VPS35L: variants seen among roughly 807,000 people sequenced by gnomAD.
VPS35L encodes the protein VPS35 endosomal protein sorting factor like, also known as VPS35 endosomal protein-sorting factor-like.
VPS35L carries 83 observed loss-of-function variants against 133.0 expected under a neutral mutation model. The observed-to-expected ratio is 0.62, with a 90% CI of 0.52 to 0.75. The LOEUF is 0.75. VPS35L is among the 30% of genes least tolerant of loss of function. VPS35L has a pLI of 0.00. For synonymous variants in VPS35L, 423 were observed against 449.9 expected (o/e 0.94, Z 0.76); for missense variants, 1,083 against 1,206.8 (o/e 0.90, Z 1.52).
intron 2 of VPS35L, among the ~76,000 whole-genome samples, chr16:19,568,602 A>C (rs747937197): frequency 1.3e-5 from 2 of 152,084 alleles, no homozygotes; most frequent in Non-Finnish European, 2.9e-5. Context: ...TTATTAGGAC[A>C]AAAGATGCTC....
At chr16:19,626,856 A>C (rs543063439) in intron 15 of VPS35L, among the ~76,000 whole-genome samples, 43 of 152,210 alleles carry the variant, frequency 2.8e-4, no homozygotes, top group African/African-American at 1.0e-3. Context: ...CCTGACTCTC[A>C]CGAATATGAG....
At chr16:19,660,345 A>G (rs1490286699) in intron 26 of VPS35L, among the ~76,000 whole-genome samples, 2 of 151,884 alleles carry the variant, frequency 1.3e-5, no homozygotes, top group African/African-American at 2.4e-5. Context: ...AAAAAAATAA[A>G]GAAGAAATAA....
chr16:19,569,454 C>T lies in VPS35L; in HGVS notation c.148C>T (p.Arg50Trp), dbSNP rs774809331. ...AGAGTCAAAGACAAAGAAAGTGAAC[C>T]GGAAAGGAAGCACTTCTTCCACGTC... Reference protein sequence around the residue: ...VTESKTKKVNRKGSTSSTSSS... With the variant: ...VTESKTKKVNWKGSTSSTSSS... Residue 50 changes from arginine to tryptophan, a missense_variant, in exon 3 of 31, where the codon CGG (arginine) becomes TGG (tryptophan). Physicochemically the swap from Arg to Trp is moderately radical, Grantham distance 101. Transcript: ENST00000417362. 13 of 1,599,406 alleles carry T rather than the reference C, an allele frequency of 8.1e-6. No homozygotes were observed. The Admixed American group carries it at 8.7e-5, about 11-fold the overall frequency.
chr16:19,564,809 G>T, intron 1 of VPS35L, 42 bp from the exon 2 acceptor site: 1 of 1,405,468 alleles, frequency 7.1e-7, no homozygotes, highest in Non-Finnish European at 1.0e-6. Context: ...AGTGTTTTAA[G>T]TACCCCCATC....
intron 14 of VPS35L, among the ~76,000 whole-genome samples, chr16:19,620,792 A>T (rs956246671): frequency 6.6e-6 from 1 of 152,016 alleles, no homozygotes; most frequent in African/African-American, 2.4e-5. Flanking sequence ...CTCTACTAAA[A>T]ATACAAAAAT....
At chr16:19,585,250 A>G (rs963958980) in intron 7 of VPS35L, among the ~76,000 whole-genome samples, 7 of 152,186 alleles carry the variant, frequency 4.6e-5, no homozygotes, top group African/African-American at 1.7e-4. Flanking sequence ...AATTTTAGGA[A>G]TGGAATTGCT....
intron 26 of VPS35L, among the ~76,000 whole-genome samples, chr16:19,664,898 TAA>T (rs796465463): frequency 7.3e-5 from 9 of 123,786 alleles, no homozygotes; most frequent in Non-Finnish European, 8.5e-5. Context: ...AGAGTTCATC[TAA>T]AAAAAAAAAA....
At chr16:19,692,024 G>T (rs9928002) in intron 29 of VPS35L, among the ~76,000 whole-genome samples, 1 of 152,000 alleles carries the variant, frequency 6.6e-6, no homozygotes, top group Non-Finnish European at 1.5e-5. Context: ...ACAGGTGCCC[G>T]CCACCACACC....
At chr16:19,620,683 G>T (rs1047556242) in intron 14 of VPS35L, among the ~76,000 whole-genome samples, 1 of 152,196 alleles carries the variant, frequency 6.6e-6, no homozygotes, top group African/African-American at 2.4e-5. Context: ...AGGCGTGGTG[G>T]CACATGCCTG....
Position 19,608,986 on chromosome 16 carries a change from A to G in VPS35L, c.894A>G (p.Ala298=), listed in dbSNP as rs778802175. 6.2e-7 allele frequency: 1 copy of G among 1,613,964 alleles called. No individual in the cohort carries two copies. Among genetic ancestry groups the G allele is most frequent in the South Asian group, 1.1e-5 (1 of 91,090 alleles). ...RELIPRFYVE[A]SILKCNKFLS... is the part of the protein sequence containing the mutation. ...GATGTTTTTGTAGTTACGTGGAGGC[A>G]TCCATCCTGAAATGTAACAAATTCC... Residue 298 remains alanine, a synonymous_variant, in exon 11 of 31, where the codon GCA becomes GCG. Coordinates refer to ENST00000417362, the MANE Select transcript of VPS35L (RefSeq NM_020314.7).
intron 27 of VPS35L, among the ~76,000 whole-genome samples, chr16:19,670,726 G>A (rs1974846867): frequency 6.6e-6 from 1 of 152,194 alleles, no homozygotes; most frequent in Non-Finnish European, 1.5e-5. Context: ...GACCCAGCAG[G>A]AGGAATTCCT....
chr16:19,555,756 C>A lies in VPS35L; in HGVS notation c.17+10C>A. 6.4e-7 allele frequency: 1 copy of A among 1,571,976 alleles called. No individual in the cohort carries two copies. The highest frequency in any genetic ancestry group is 8.6e-7 in the Non-Finnish European group (1 of 1,159,746). On this transcript the variant is annotated intron_variant, in intron 1 of 30. Transcript: ENST00000417362. The stretch of plus-strand genomic sequence containing the variant: ...TGGCCGTCTTTCCTTGGTAAGGAAG[C>A]AGCGGCGGGTGGGCTTTGGAGAGGG...
chr16:19,621,790 T>C (rs757560505), intron 14 of VPS35L, among the ~76,000 whole-genome samples: 1 of 152,238 alleles, frequency 6.6e-6, no homozygotes, highest in Non-Finnish European at 1.5e-5. Flanking sequence ...AACAGAGCCT[T>C]TGGTTTTTTA....
rs1976113865 is a variant in VPS35L at position 19,700,969 on chromosome 16, G to A, written c.*493G>A. On this transcript the variant is annotated 3_prime_UTR_variant, in exon 31 of 31. Transcript: ENST00000417362. ...AACCCCTATGGAGGATTTATAAAAG[G>A]CAGAAATAGCACTCCATTAACTCTT... The A allele has an allele frequency of 6.5e-6, 1 of 153,360 alleles. No homozygotes were observed. The highest frequency in any genetic ancestry group is 2.4e-5 in the African/African-American group (1 of 41,424). The allele number at this position is 153,360 out of a possible 1,614,324, so 9.5% of individuals were successfully genotyped here.
At chr16:19,686,463 A>G (rs966711463) in intron 28 of VPS35L, among the ~76,000 whole-genome samples, 1 of 152,154 alleles carries the variant, frequency 6.6e-6, no homozygotes, top group Admixed American at 6.5e-5. Flanking sequence ...TTTAGTATGC[A>G]GATAGAGTGT....
At chr16:19,585,082 TC>T (rs1368362528) in intron 7 of VPS35L, among the ~76,000 whole-genome samples, 1 of 152,244 alleles carries the variant, frequency 6.6e-6, no homozygotes, top group African/African-American at 2.4e-5. Flanking sequence ...GGTAGTTCGT[TC>T]CTTTTTACTG....
intron 1 of VPS35L, among the ~76,000 whole-genome samples, chr16:19,559,731 A>C (rs1020506904): frequency 7.3e-5 from 11 of 151,038 alleles, no homozygotes; most frequent in Non-Finnish European, 1.3e-4. Flanking sequence ...TTTTTTTGAG[A>C]TGCAGTCTCG....
chr16:19,606,353 A>G (rs1227726253), intron 9 of VPS35L, among the ~76,000 whole-genome samples: 3 of 152,240 alleles, frequency 2.0e-5, no homozygotes, highest in Non-Finnish European at 2.9e-5. Flanking sequence ...TGACAAATGA[A>G]TGTAAGAATA....
In VPS35L at chr16:19,633,250, C is replaced by A; in HGVS notation, c.1635+78C>A. On this transcript the variant is annotated intron_variant, in intron 19 of 30. Transcript: ENST00000417362. This position sits in a 1 kb window ranked among gnomAD's most constrained non-coding sequence, Gnocchi z 4.1. ...AATTAAATAGGCGTGTTGTATGGGT[C>A]AGGCTATAAAGGCACATAATCCTGT... 1 of 1,306,850 alleles carries A rather than the reference C, an allele frequency of 7.7e-7. No individual in the cohort carries two copies. The highest frequency in any genetic ancestry group is 1.1e-6 in the Non-Finnish European group (1 of 903,620). 81.0% of individuals were successfully genotyped at this position (1,306,850 alleles called of 1,614,324 possible). A position where few individuals can be genotyped will look rare whatever the true frequency, so the allele number is the denominator to read the frequency against.
Sources: gnomAD v4.1 joint callset for allele counts (sites outside exome capture counted in the v4.1 genomes callset) on GRCh38, gnomAD v4.1.1 for gene constraint, Gnocchi (gnomAD v3.1) non-coding constraint, MANE v1.5 for transcripts, NCBI Gene and HGNC (gene_info 2026-07-23, HGNC 2026-07-21) for gene names.